Variants in CLIC5 observed in about 807,000 individuals in gnomAD.
CLIC5 encodes the protein chloride intracellular channel protein 5.
In CLIC5, 20 loss-of-function variants were observed where a neutral mutation model predicts 24.7. That is an observed-to-expected ratio of 0.81 (90% CI 0.57 to 1.18). CLIC5 has a LOEUF of 1.18. Among genes scored for constraint, CLIC5 ranks in the 50% most tolerant of loss-of-function variants. The probability of loss-of-function intolerance (pLI) is 0.00; values close to 1 mark genes in which losing one functional copy is unlikely to be tolerated. For synonymous variants in CLIC5, 159 were observed against 135.6 expected (o/e 1.17, Z -1.20); for missense variants, 341 against 326.1 (o/e 1.05, Z -0.35).
intron 1 of CLIC5, among the ~76,000 whole-genome samples, chr6:46,076,916 T>A (rs370666964): frequency 1.0e-3 from 153 of 152,174 alleles, no homozygotes; most frequent in African/African-American, 3.6e-3. Flanking sequence ...GGTGGGTGGA[T>A]CACTGAAGTC....
intron 1 of CLIC5, among the ~76,000 whole-genome samples, chr6:46,072,479 A>T (rs1010220303): frequency 1.3e-5 from 2 of 152,148 alleles, no homozygotes; most frequent in Admixed American, 6.5e-5. Context: ...TAGTTTGTAC[A>T]ATTAGTGATG....
At chr6:45,962,507 T>C (rs1369678330) in intron 1 of CLIC5, among the ~76,000 whole-genome samples, 1 of 146,670 alleles carries the variant, frequency 6.8e-6, no homozygotes, top group African/African-American at 2.5e-5. Flanking sequence ...AAAAAGCACC[T>C]TCACAGAAGC....
the CLIC5 span, among the ~76,000 whole-genome samples, chr6:46,122,727 A>C: frequency 1.3e-5 from 2 of 152,212 alleles, no homozygotes; most frequent in Non-Finnish European, 1.5e-5. Context: ...AAATAGATGC[A>C]ATAAAAAATG....
rs1581718691 is a variant in CLIC5 at position 45,908,629 on chromosome 6, CA to C, written c.589-5375del. 3.3e-5 allele frequency among the ~76,000 whole-genome samples: 5 copies of C among 151,900 alleles called. No individual in the cohort carries two copies. The East Asian group carries it at 7.7e-4, about 23-fold the overall frequency. ...TTTCTATTTTTGTTCCACTGTGGTC[CA>C]AGAGTATGATTGATATAATTTCTAT... On this transcript the variant is annotated intron_variant, in intron 5 of 5. Transcript: ENST00000339561.
At chr6:46,112,376 A>G in the CLIC5 span, among the ~76,000 whole-genome samples, 30 of 152,276 alleles carry the variant, frequency 2.0e-4, no homozygotes, top group African/African-American at 7.2e-4. Context: ...TAACAAGACC[A>G]CCTTTGCTAG....
At chr6:45,949,707 T>G (rs1764407547) in intron 2 of CLIC5, among the ~76,000 whole-genome samples, 1 of 151,690 alleles carries the variant, frequency 6.6e-6, no homozygotes, top group Non-Finnish European at 1.5e-5. Context: ...AGGGGAGAGG[T>G]GGGGTTTTGC....
At chr6:45,940,048 C>G (rs1462801745) in intron 4 of CLIC5, among the ~76,000 whole-genome samples, 1 of 152,132 alleles carries the variant, frequency 6.6e-6, no homozygotes, top group African/African-American at 2.4e-5. Flanking sequence ...GATAAAAACC[C>G]AAGCCCTCCA....
chr6:45,984,054 G>C (rs1052185790), intron 1 of CLIC5, among the ~76,000 whole-genome samples: 2 of 152,154 alleles, frequency 1.3e-5, no homozygotes, highest in African/African-American at 4.8e-5. Flanking sequence ...GAGATGAATA[G>C]AACCTAGGCC....
the CLIC5 span, among the ~76,000 whole-genome samples, chr6:46,110,121 T>TA: frequency 6.6e-6 from 1 of 152,188 alleles, no homozygotes; most frequent in Admixed American, 6.5e-5. Flanking sequence ...CTGCTCTCCG[T>TA]TACCTCAAGT....
intron 6 of CLIC5, among the ~76,000 whole-genome samples, chr6:45,891,593 C>T (rs1490759570): frequency 1.3e-5 from 2 of 150,894 alleles, no homozygotes; most frequent in Non-Finnish European, 2.9e-5. Flanking sequence ...CGAGATCATG[C>T]CACTGCACTC....
intron 1 of CLIC5, among the ~76,000 whole-genome samples, chr6:46,042,275 C>T (rs534456356): frequency 1.6e-4 from 24 of 152,238 alleles, no homozygotes; most frequent in Non-Finnish European, 3.4e-4. Flanking sequence ...GGTTGTATTT[C>T]TGCATTCAAT....
the CLIC5 span, among the ~76,000 whole-genome samples, chr6:46,092,339 A>T: frequency 6.6e-6 from 1 of 152,218 alleles, no homozygotes; most frequent in African/African-American, 2.4e-5. Context: ...AACAAGAACA[A>T]GATAAGCATT....
intron 1 of CLIC5, among the ~76,000 whole-genome samples, chr6:45,976,405 A>G (rs146739562): frequency 6.8e-4 from 104 of 152,260 alleles, no homozygotes; most frequent in Middle Eastern, 6.8e-3. Flanking sequence ...GACTGGGGGA[A>G]TTCCAGGACT....
intron 1 of CLIC5, among the ~76,000 whole-genome samples, chr6:46,031,809 C>A (rs1767506323): frequency 1.3e-5 from 2 of 149,756 alleles, no homozygotes; most frequent in South Asian, 2.1e-4. Context: ...AAAAAAAAAT[C>A]AAACTATGAA....
chr6:45,937,315 G>C (rs1000802565), intron 4 of CLIC5: 1 of 152,156 alleles, frequency 6.6e-6, no homozygotes, highest in Non-Finnish European at 1.5e-5. Flanking sequence ...TAACAGTTAC[G>C]AGGCCAGACA....
chr6:45,920,960 A>G (rs1013415745), intron 4 of CLIC5, among the ~76,000 whole-genome samples: 1 of 152,216 alleles, frequency 6.6e-6, no homozygotes, highest in African/African-American at 2.4e-5. Flanking sequence ...AACTTTACAT[A>G]AAGATCTGCA....
chr6:46,057,359 GC>G (rs1390228218), intron 1 of CLIC5, among the ~76,000 whole-genome samples: 1 of 152,052 alleles, frequency 6.6e-6, no homozygotes, highest in Admixed American at 6.5e-5. Flanking sequence ...ATTTTCTCTG[GC>G]CACCGCCATG....
chr6:46,113,440 T>C, the CLIC5 span, among the ~76,000 whole-genome samples: 1 of 152,010 alleles, frequency 6.6e-6, no homozygotes, highest in African/African-American at 2.4e-5. Context: ...TGCAAACAGG[T>C]GATGTCAGGA....
chr6:46,044,331 G>A (rs919509666), intron 1 of CLIC5, among the ~76,000 whole-genome samples: 2 of 152,164 alleles, frequency 1.3e-5, no homozygotes, highest in African/African-American at 4.8e-5. Flanking sequence ...GCTCTTTTCC[G>A]AGAGTAGTAC....
Sources: gnomAD v4.1 joint callset for allele counts (sites outside exome capture counted in the v4.1 genomes callset) on GRCh38, gnomAD v4.1.1 for gene constraint, MANE v1.5 for transcripts, NCBI Gene and HGNC (gene_info 2026-07-23, HGNC 2026-07-21) for gene names.